Variants in DNAH10 observed in about 807,000 individuals in gnomAD.
DNAH10 encodes the protein dynein axonemal heavy chain 10, also known as axonemal beta dynein heavy chain 10.
In DNAH10, 348 loss-of-function variants were observed where a neutral mutation model predicts 506.6. The ratio of observed to expected loss-of-function variants is 0.69; its 90% CI spans 0.63 to 0.75. DNAH10 has a LOEUF of 0.75. DNAH10 is among the 30% of genes least tolerant of loss of function. DNAH10 has a pLI of 0.00. For synonymous variants in DNAH10, 2,059 were observed against 2,198.6 expected, an observed-to-expected ratio of 0.94 and a Z score of 1.78; for missense variants, 5,179 against 5,787.1, an observed-to-expected ratio of 0.89 and a Z score of 3.41.
In DNAH10 at chr12:123,784,036, C is replaced by T; in HGVS notation, c.1089C>T (p.Val363=). The T allele has an allele frequency of 3.1e-6, 5 of 1,614,178 alleles. No homozygotes were observed. The highest frequency in any genetic ancestry group is 4.2e-6 in the Non-Finnish European group (5 of 1,180,034). The part of the protein sequence containing the change: ...ALHEQTKLPI[V]RKVLDVIKES... ...ATGAACAAACAAAGCTTCCAATAGT[C>T]AGAAAAGTCTTGGATGTGATCAAGG... Residue 363 remains valine (V), a synonymous_variant, in exon 8 of 79, where the codon GTC becomes GTT. Transcript: ENST00000673944.
intron 47 of DNAH10, among the ~76,000 whole-genome samples, chr12:123,876,865 TGGGA>T (rs1246016325): frequency 1.3e-5 from 2 of 151,812 alleles, no homozygotes; most frequent in East Asian, 3.9e-4. Context: ...GAGGCTGAGG[TGGGA>T]GGATCACTTG....
At chr12:123,894,829 C>T (rs1040076402) in intron 54 of DNAH10, 106 bp downstream of exon 54, 2 of 1,019,512 alleles carry the variant, frequency 2.0e-6, no homozygotes, top group African/African-American at 3.2e-5. Flanking sequence ...CACTGGAAAA[C>T]CCTATGGTAA....
intron 52 of DNAH10, among the ~76,000 whole-genome samples, chr12:123,891,522 C>A (rs1333222323): frequency 1.3e-5 from 2 of 151,956 alleles, no homozygotes; most frequent in African/African-American, 4.8e-5. Context: ...CAGGGAGAGC[C>A]CAGCACTGAG....
Position 123,848,821 on chromosome 12 carries a change from T to C in DNAH10, c.6041T>C (p.Val2014Ala). 2 of 1,613,932 alleles carry C rather than the reference T, an allele frequency of 1.2e-6. No homozygotes were observed. Among genetic ancestry groups the C allele is most frequent in the Non-Finnish European group, 1.7e-6 (2 of 1,179,852 alleles). ...FNRIDASVLS[V>A]ISSQIQTIRN... ...CGAATCGATGCTTCTGTGCTCTCCG[T>C]GATCTCCTCCCAGATCCAGACGATC... The change falls in exon 34 of 79, where the codon GTG becomes GCG. Residue 2014 changes from valine to alanine, a missense_variant. By Grantham distance (64) the Val-to-Ala change is moderately conservative. Around this residue, in one of 3 missense-constraint regions of DNAH10, gnomAD observed 4,844 missense variants for 5,430.5 expected, o/e 0.89. Transcript: ENST00000673944.
chr12:123,849,844 G>A (rs1022405168), intron 34 of DNAH10, among the ~76,000 whole-genome samples: 1 of 152,220 alleles, frequency 6.6e-6, no homozygotes. Context: ...GCTGGAGACT[G>A]TTCAATATTT....
intron 62 of DNAH10, among the ~76,000 whole-genome samples, chr12:123,915,221 G>A (rs776763069): frequency 3.9e-5 from 6 of 152,054 alleles, no homozygotes; most frequent in Admixed American, 1.3e-4. Context: ...CTCTCCCCTC[G>A]CAGGCTGTGA....
At chr12:123,793,479 C>T (rs1314747780) in intron 11 of DNAH10, among the ~76,000 whole-genome samples, 1 of 151,938 alleles carries the variant, frequency 6.6e-6, no homozygotes, top group African/African-American at 2.4e-5. Flanking sequence ...CCTGGGACTA[C>T]AGGCGCCCAC....
At chr12:123,891,290 T>C (rs182554189) in intron 52 of DNAH10, among the ~76,000 whole-genome samples, 1 of 152,310 alleles carries the variant, frequency 6.6e-6, no homozygotes, top group East Asian at 1.9e-4. Context: ...CCCATCTCAA[T>C]GACCTCATTT....
chr12:123,868,002 CT>C lies in DNAH10; in HGVS notation c.7403del (p.Leu2468ArgfsTer11). The C allele has an allele frequency of 6.2e-7, 1 of 1,613,944 alleles. No individual in the cohort carries two copies. The highest frequency in any genetic ancestry group is 8.5e-7 in the Non-Finnish European group (1 of 1,179,880). ...CYFLEALYCS[L>X]GASLLEDGRM... ...CTTCCTGGAGGCTTTGTACTGCTCT[CT>C]GGGAGCCTCCCTGCTTGAGGATGGA... On this transcript the variant is annotated frameshift_variant, in exon 43 of 79. Coordinates refer to ENST00000673944, the MANE Select transcript of DNAH10 (RefSeq NM_001372106.1). LOFTEE classifies it high-confidence loss of function.
rs1954364877 is a variant in DNAH10, at chr12:123,914,329, G to A, written c.10353G>A (p.Arg3451=). Residue 3451 remains arginine, a splice_region_variant and synonymous_variant, in exon 61 of 79, where the codon AGG becomes AGA. Coordinates refer to ENST00000673944, the MANE Select transcript of DNAH10 (RefSeq NM_001372106.1). ...LISGLGSENI[R]WLNDLDELMH... Reference sequence around the variant, plus strand: ...CAGCCTCCCTCTCCTCCCGTGCCAGGTGGCTGAACGACCTGGATGAGCTGA... The same window carrying A: ...CAGCCTCCCTCTCCTCCCGTGCCAGATGGCTGAACGACCTGGATGAGCTGA... 1 of 1,610,914 alleles carries A rather than the reference G, an allele frequency of 6.2e-7. No individual in the cohort carries two copies. The highest frequency in any genetic ancestry group is 8.5e-7 in the Non-Finnish European group (1 of 1,178,398).
chr12:123,911,108 G>A (rs1954048809), intron 59 of DNAH10, among the ~76,000 whole-genome samples: 1 of 149,294 alleles, frequency 6.7e-6, no homozygotes. Flanking sequence ...TACTTGGGAG[G>A]CTGCAGTGAG....
intron 14 of DNAH10, 70 bp from the exon 15 acceptor site, chr12:123,800,146 G>T (rs1958429540): frequency 1.3e-6 from 2 of 1,490,388 alleles, no homozygotes; most frequent in African/African-American, 1.4e-5. Context: ...TTCACTTTTG[G>T]TGTGGGTTGT....
chr12:123,771,121 C>T (rs1163461438), intron 2 of DNAH10, among the ~76,000 whole-genome samples: 1 of 152,030 alleles, frequency 6.6e-6, no homozygotes, highest in Non-Finnish European at 1.5e-5. Flanking sequence ...AGGCATGCAT[C>T]ACCATGTCCG....
chr12:123,866,706 G>A (rs183197485), intron 41 of DNAH10, among the ~76,000 whole-genome samples: 3 of 152,328 alleles, frequency 2.0e-5, no homozygotes, highest in Admixed American at 2.0e-4. Context: ...ACTCAACTCT[G>A]CTGTTGTGGC....
intron 51 of DNAH10, among the ~76,000 whole-genome samples, chr12:123,883,321 G>A (rs959535730): frequency 6.6e-6 from 1 of 152,208 alleles, no homozygotes; most frequent in African/African-American, 2.4e-5. Context: ...ATTCCTACCA[G>A]CAGCGTCTGA....
At chr12:123,863,765 C>T (rs75780563) in intron 39 of DNAH10, among the ~76,000 whole-genome samples, 4,109 of 152,332 alleles carry the variant, frequency 0.027, 115 homozygotes, top group African/African-American at 0.071. Context: ...AACAAGGTCA[C>T]AGTCACAGCT....
Position 123,926,640 on chromosome 12 carries a change from T to C in DNAH10, c.11925T>C (p.Tyr3975=), listed in dbSNP as rs755835727. The part of the protein sequence containing the change: ...DYVTVTMGEK[Y]VQPPMISFEA... ...CTGACTGTGTTTCTTTCACCAGGTA[T>C]GTGCAGCCCCCAATGATCAGCTTTG... Residue 3975 remains tyrosine, a synonymous_variant, in exon 69 of 79, where the codon TAT becomes TAC. Transcript: ENST00000673944. This position sits in a 1 kb window ranked among gnomAD's most constrained non-coding sequence, Gnocchi z 4.1. 11 of 1,611,734 alleles carry C rather than the reference T, an allele frequency of 6.8e-6. 1 individual carries two copies. In the South Asian group the frequency reaches 1.2e-4, roughly 18 times the overall value.
In DNAH10 at chr12:123,896,160, G is replaced by C. The variant is rs1466045694; in HGVS notation, c.9280+1437G>C. Among the ~76,000 whole-genome samples, 1,075 of 130,516 alleles carry C rather than the reference G, an allele frequency of 8.2e-3. 6 individuals carry two copies. Among genetic ancestry groups the C allele is most frequent in the Middle Eastern group, 0.016 (4 of 248 alleles). 85.6% of individuals were successfully genotyped at this position (130,516 alleles called of 152,430 possible). On this transcript the variant is annotated intron_variant, in intron 54 of 78. Coordinates refer to ENST00000673944, the MANE Select transcript of DNAH10 (RefSeq NM_001372106.1). ...ACACACACACACACAGAGAGAGAGA[G>C]AGAGAGAGAGAGAGAGAGAGAGAGA...
chr12:123,836,417 T>A (rs1322554981), intron 28 of DNAH10, among the ~76,000 whole-genome samples: 1 of 152,224 alleles, frequency 6.6e-6, no homozygotes, highest in African/African-American at 2.4e-5. Context: ...CTAATGCTTT[T>A]TCCATAGTTA....
Sources: gnomAD v4.1 joint callset for allele counts (sites outside exome capture counted in the v4.1 genomes callset) on GRCh38, gnomAD v4.1.1 for gene constraint, gnomAD v4.1.1 regional missense constraint, Gnocchi (gnomAD v3.1) non-coding constraint, MANE v1.5 for transcripts, NCBI Gene and HGNC (gene_info 2026-07-23, HGNC 2026-07-21) for gene names.